GPHN: variants seen among roughly 807,000 people sequenced by gnomAD.
GPHN encodes gephyrin.
Under a neutral mutation model 95.5 loss-of-function variants are expected in GPHN, and 17 were observed. The observed-to-expected ratio is 0.18, with a 90% CI of 0.12 to 0.27. The LOEUF is 0.27. Ranked by LOEUF, GPHN falls within the 10% of genes least tolerant of loss-of-function variation. The pLI, the probability that GPHN is intolerant of heterozygous loss-of-function variation, is 1.00. For synonymous variants in GPHN, 320 were observed against 322.5 expected (o/e 0.99, Z 0.08); for missense variants, 660 against 978.1 (o/e 0.67, Z 4.34).
the GPHN span, chr14:67,471,242 C>G: frequency 6.6e-6 from 1 of 152,366 alleles, no homozygotes; most frequent in East Asian, 1.9e-4. Flanking sequence ...GCAGCAAGAC[C>G]TGGTGGGCCA....
At chr14:66,639,465 G>A (rs915947780) in intron 1 of GPHN, among the ~76,000 whole-genome samples, 1 of 152,128 alleles carries the variant, frequency 6.6e-6, no homozygotes, top group African/African-American at 2.4e-5. Flanking sequence ...GTTGCATTTA[G>A]AAGACATTGA....
At chr14:67,133,713 T>C (rs561263774) in intron 17 of GPHN, among the ~76,000 whole-genome samples, 1 of 152,300 alleles carries the variant, frequency 6.6e-6, no homozygotes, top group African/African-American at 2.4e-5. Flanking sequence ...ACATACACTT[T>C]TGAGAAAGCT....
intron 22 of GPHN, 93 bp downstream of exon 22, chr14:67,179,767 A>C (rs1272992290): frequency 1.3e-6 from 1 of 767,952 alleles, no homozygotes; most frequent in Admixed American, 1.9e-5. Flanking sequence ...CTGATTTTGT[A>C]ATTATTATAC....
the GPHN span, among the ~76,000 whole-genome samples, chr14:67,365,861 A>AT: frequency 2.6e-5 from 4 of 151,930 alleles, no homozygotes; most frequent in East Asian, 1.9e-4. Context: ...TGACATTTTA[A>AT]TTTTTTTTAT....
At chr14:66,651,999 A>G (rs1424905013) in intron 1 of GPHN, among the ~76,000 whole-genome samples, 1 of 151,780 alleles carries the variant, frequency 6.6e-6, no homozygotes, top group Non-Finnish European at 1.5e-5. Context: ...CCACTTCCCC[A>G]CCCCCAGTTC....
At chr14:67,397,993 C>A in the GPHN span, 1 of 466,868 alleles carries the variant, frequency 2.1e-6, no homozygotes, top group Non-Finnish European at 3.8e-6. Context: ...GTAGCAAAGA[C>A]CTTTGGCACT....
chr14:67,261,428 T>C, the GPHN span, among the ~76,000 whole-genome samples: 22 of 152,174 alleles, frequency 1.4e-4, 1 homozygote, highest in Non-Finnish European at 7.4e-5. Flanking sequence ...GGTATAGTTA[T>C]AAGTATGTTT....
the GPHN span, chr14:67,488,862 C>T: frequency 6.6e-6 from 1 of 152,234 alleles, no homozygotes. Flanking sequence ...CTTTTGAGGG[C>T]AGTGTCCCAC....
chr14:67,555,718 A>C, the GPHN span: 1 of 1,507,264 alleles, frequency 6.6e-7, no homozygotes, highest in African/African-American at 1.4e-5. Context: ...GGGCACTTGA[A>C]GTCTGGCCTG....
the GPHN span, among the ~76,000 whole-genome samples, chr14:67,280,967 G>A: frequency 6.7e-6 from 1 of 149,498 alleles, no homozygotes; most frequent in African/African-American, 2.5e-5. Flanking sequence ...TGCAATCTTC[G>A]GCTCACAGCA....
At chr14:67,204,386 C>A in the GPHN span, 1 of 1,105,404 alleles carries the variant, frequency 9.0e-7, no homozygotes, top group Non-Finnish European at 1.2e-6. Context: ...CTGCAGTGAG[C>A]CATGATCGCA....
chr14:66,740,122 T>C (rs1296775477), intron 2 of GPHN, among the ~76,000 whole-genome samples: 2 of 152,164 alleles, frequency 1.3e-5, no homozygotes, highest in East Asian at 3.8e-4. Flanking sequence ...ACTACACTGT[T>C]TCATGCACAC....
At chr14:67,131,114 T>C (rs181271811) in intron 17 of GPHN, among the ~76,000 whole-genome samples, 1 of 152,200 alleles carries the variant, frequency 6.6e-6, no homozygotes, top group Non-Finnish European at 1.5e-5. Context: ...AAATAAGTAC[T>C]GAATGCTATA....
chr14:67,107,306 G>T (rs1370466288), intron 13 of GPHN, among the ~76,000 whole-genome samples: 1 of 152,136 alleles, frequency 6.6e-6, no homozygotes, highest in Non-Finnish European at 1.5e-5. Context: ...GGTGCTTGGA[G>T]TGACTGTGGA....
chr14:66,778,906 T>A (rs1294333043), intron 3 of GPHN, among the ~76,000 whole-genome samples: 1 of 151,738 alleles, frequency 6.6e-6, no homozygotes, highest in Admixed American at 6.6e-5. Context: ...CAGCTAATTT[T>A]TTTTTTAATT....
the GPHN span, among the ~76,000 whole-genome samples, chr14:67,599,541 CTCTA>C: frequency 3.3e-5 from 5 of 152,148 alleles, no homozygotes; most frequent in South Asian, 2.1e-4. Flanking sequence ...AACTATAACA[CTCTA>C]TCTATACACA....
At chr14:66,676,672 A>ATTTTTTTTTTTTTTT (rs56906168) in intron 1 of GPHN, among the ~76,000 whole-genome samples, 2 of 126,078 alleles carry the variant, frequency 1.6e-5, no homozygotes, top group African/African-American at 3.0e-5. Flanking sequence ...ATCGTAGTGT[A>ATTTTTTTTTTTTTTT]TTTTTTTTTT....
intron 2 of GPHN, 69 bp from the exon 3 acceptor site, chr14:66,776,395 G>T (rs1402888984): frequency 1.6e-5 from 15 of 926,872 alleles, no homozygotes; most frequent in Middle Eastern, 4.2e-4. Flanking sequence ...TGATGGTAAT[G>T]GCAGAAATCT....
At chr14:67,264,455 T>C in the GPHN span, among the ~76,000 whole-genome samples, 2 of 144,488 alleles carry the variant, frequency 1.4e-5, no homozygotes, top group African/African-American at 5.5e-5. Context: ...GCCAGACCCA[T>C]GTTGTGTTAT....
Sources: allele counts gnomAD v4.1 joint callset (sites outside exome capture counted in the v4.1 genomes callset), GRCh38; gene constraint gnomAD v4.1.1; transcripts MANE v1.5; gene names NCBI Gene and HGNC (gene_info 2026-07-23, HGNC 2026-07-21).